PCDHGB1: variants seen among roughly 807,000 people sequenced by gnomAD.
The protein encoded by PCDHGB1 is protocadherin gamma-B1.
PCDHGB1 carries 34 observed loss-of-function variants against 56.6 expected under a neutral mutation model. The ratio of observed to expected loss-of-function variants is 0.60; its 90% CI spans 0.46 to 0.80. PCDHGB1 has a LOEUF of 0.80. Ranked by LOEUF, PCDHGB1 falls within the 30% of genes least tolerant of loss-of-function variation. The probability of loss-of-function intolerance (pLI) is 0.00; values close to 1 mark genes in which losing one functional copy is unlikely to be tolerated. For synonymous variants in PCDHGB1, 561 were observed against 505.9 expected, an observed-to-expected ratio of 1.11 and a Z score of -1.46; for missense variants, 1,278 against 1,204.6, an observed-to-expected ratio of 1.06 and a Z score of -0.90.
At chr5:141,433,091 A>C in intron 1 of PCDHGB1, 1 of 1,614,182 alleles carries the variant, frequency 6.2e-7, no homozygotes, top group Non-Finnish European at 8.5e-7. Flanking sequence ...CTATGCAGAC[A>C]TGCTCGTCAG....
intron 1 of PCDHGB1, chr5:141,418,113 T>C (rs1320881856): frequency 3.1e-6 from 5 of 1,613,912 alleles, no homozygotes; most frequent in Non-Finnish European, 3.4e-6. Context: ...GGGGACTTAC[T>C]TGTGAAGGAC....
At chr5:141,457,318 C>T (rs990268003) in intron 1 of PCDHGB1, among the ~76,000 whole-genome samples, 3 of 152,238 alleles carry the variant, frequency 2.0e-5, no homozygotes, top group South Asian at 2.1e-4. Context: ...AAGAAACCTC[C>T]GGGTTACAGG....
intron 1 of PCDHGB1, chr5:141,364,169 C>A: frequency 1.3e-6 from 1 of 765,758 alleles, no homozygotes; most frequent in Non-Finnish European, 1.9e-6. Flanking sequence ...GGCGACCCGA[C>A]TCTGCTCCCT....
At chr5:141,371,581 A>G (rs764497164) in intron 1 of PCDHGB1, 3 of 1,613,936 alleles carry the variant, frequency 1.9e-6, no homozygotes, top group East Asian at 2.2e-5. Context: ...AAAATCGTTC[A>G]AGATACCAAA....
chr5:141,473,598 T>C (rs959841516), intron 1 of PCDHGB1, among the ~76,000 whole-genome samples: 8 of 152,066 alleles, frequency 5.3e-5, no homozygotes, highest in African/African-American at 1.9e-4. Flanking sequence ...CCTGTAGAAA[T>C]TAGCAAAGCA....
rs771450412 is a variant in PCDHGB1, at chr5:141,374,978, G to C, written c.2409+22309G>C. The C allele has an allele frequency of 2.2e-5, 35 of 1,613,984 alleles. No homozygotes were observed. The highest frequency in any genetic ancestry group is 2.9e-5 in the Non-Finnish European group (34 of 1,179,904). On this transcript the variant is annotated intron_variant, in intron 1 of 3. Coordinates refer to ENST00000523390, the MANE Select transcript of PCDHGB1 (RefSeq NM_018922.3). The stretch of plus-strand genomic sequence containing the variant: ...AATTTTCTGTTTGAATGTTTTGACT[G>C]GAGAAATTTCAACTTCTGCAAATCT...
chr5:141,371,532 G>A lies in PCDHGB1; in HGVS notation c.2409+18863G>A. ...ACATGATCTAGATTCTGGATTTAAT[G>A]GAGAAATCCTATGCCAACTAAAAGG... On this transcript the variant is annotated intron_variant, in intron 1 of 3. Transcript: ENST00000523390. The A allele has an allele frequency of 6.2e-7, 1 of 1,613,660 alleles. No individual in the cohort carries two copies. Among genetic ancestry groups the A allele is most frequent in the Non-Finnish European group, 8.5e-7 (1 of 1,179,684 alleles).
chr5:141,398,931 C>T, intron 1 of PCDHGB1: 2 of 1,613,956 alleles, frequency 1.2e-6, no homozygotes, highest in East Asian at 4.5e-5. Context: ...CAGCCACTGA[C>T]CAAGACGAGG....
chr5:141,472,838 T>C (rs1457889821), intron 1 of PCDHGB1, among the ~76,000 whole-genome samples: 1 of 151,464 alleles, frequency 6.6e-6, no homozygotes, highest in Non-Finnish European at 1.5e-5. Context: ...AATAGAAAAT[T>C]AGCTGGGCAT....
intron 1 of PCDHGB1, chr5:141,374,786 G>A (rs1476058358): frequency 1.2e-6 from 2 of 1,613,912 alleles, no homozygotes; most frequent in Admixed American, 1.7e-5. Flanking sequence ...AGTTCTAGAT[G>A]TGAATGACAA....
At chr5:141,438,366 G>A (rs749623408) in intron 1 of PCDHGB1, among the ~76,000 whole-genome samples, 6 of 151,462 alleles carry the variant, frequency 4.0e-5, no homozygotes, top group Non-Finnish European at 7.4e-5. Context: ...TTGTCATTGA[G>A]GGCAGATATA....
intron 1 of PCDHGB1, chr5:141,400,367 C>A (rs372561902): frequency 6.8e-5 from 110 of 1,613,946 alleles, no homozygotes; most frequent in Non-Finnish European, 8.8e-5. Flanking sequence ...TTGCCTTATT[C>A]CTACAACCTA....
In PCDHGB1 at chr5:141,487,636, AC is replaced by A. The variant is rs1562120737; in HGVS notation, c.2410-7170del. On this transcript the variant is annotated intron_variant, in intron 1 of 3. Coordinates refer to ENST00000523390, the MANE Select transcript of PCDHGB1 (RefSeq NM_018922.3). The surrounding 1 kb of genome is among the most constrained non-coding windows in gnomAD (Gnocchi z 5.0). ...TAGAGGTGAGACCTTTGCAGGCTCA[AC>A]AAATGCTTGAGGGTTATTCTGATCC... 1 of 1,614,192 alleles carries A rather than the reference AC, an allele frequency of 6.2e-7. No individual in the cohort carries two copies. The highest frequency in any genetic ancestry group is 2.2e-5 in the East Asian group (1 of 44,886).
chr5:141,464,260 G>A (rs546781463), intron 1 of PCDHGB1, among the ~76,000 whole-genome samples: 1 of 131,668 alleles, frequency 7.6e-6, no homozygotes, highest in Non-Finnish European at 1.6e-5. Flanking sequence ...GCGAGACTCC[G>A]TCTAAAAAAA....
In PCDHGB1 at chr5:141,385,618, A is replaced by C. The variant is rs1174442072; in HGVS notation, c.2409+32949A>C. 7.5e-6 allele frequency: 8 copies of C among 1,062,366 alleles called. No individual in the cohort carries two copies. The East Asian group carries it at 3.6e-4, about 48-fold the overall frequency. The allele number at this position is 1,062,366 out of a possible 1,614,324, so 65.8% of individuals were successfully genotyped here. A position where few individuals can be genotyped will look rare whatever the true frequency, so the allele number is the denominator to read the frequency against. On this transcript the variant is annotated intron_variant, in intron 1 of 3. Coordinates refer to ENST00000523390, the MANE Select transcript of PCDHGB1 (RefSeq NM_018922.3). ...CTTTCTTAACTCATATATTTTATAC[A>C]TTGGAATGAATCGAGTCTTTCATAT...
chr5:141,361,602 C>T, intron 1 of PCDHGB1: 1 of 1,614,054 alleles, frequency 6.2e-7, no homozygotes. Context: ...AAGTTTCCTA[C>T]TCCATCGTAG....
intron 1 of PCDHGB1, among the ~76,000 whole-genome samples, chr5:141,435,953 G>A (rs2097789156): frequency 6.6e-6 from 1 of 151,984 alleles, no homozygotes; most frequent in Non-Finnish European, 1.5e-5. Context: ...CAAAAAAGGG[G>A]GCAAAATATA....
At chr5:141,430,784 G>T in intron 1 of PCDHGB1, 1 of 1,512,418 alleles carries the variant, frequency 6.6e-7, no homozygotes, top group East Asian at 2.3e-5. Flanking sequence ...ACTGCACCGG[G>T]ACTACAAAGG....
chr5:141,355,816 G>A, intron 1 of PCDHGB1: 5 of 1,613,166 alleles, frequency 3.1e-6, no homozygotes, highest in Non-Finnish European at 4.2e-6. Context: ...CGAGGAAGAG[G>A]CGGTTCACCA....
Sources: gnomAD v4.1 joint callset for allele counts (sites outside exome capture counted in the v4.1 genomes callset) on GRCh38, gnomAD v4.1.1 for gene constraint, Gnocchi (gnomAD v3.1) non-coding constraint, MANE v1.5 for transcripts, NCBI Gene and HGNC (gene_info 2026-07-23, HGNC 2026-07-21) for gene names.